PAQR5: variants seen among roughly 807,000 people sequenced by gnomAD.
PAQR5 encodes membrane progestin receptor gamma.
A neutral mutation model predicts 34.5 loss-of-function variants in PAQR5; 20 were observed. The ratio of observed to expected loss-of-function variants is 0.58; its 90% CI spans 0.41 to 0.84. PAQR5 has a LOEUF of 0.84. Ranked by LOEUF, PAQR5 falls within the 40% of genes least tolerant of loss-of-function variation. The probability of loss-of-function intolerance (pLI) is 0.00; values close to 1 mark genes in which losing one functional copy is unlikely to be tolerated. For synonymous variants in PAQR5, 131 were observed against 155.6 expected (o/e 0.84, Z 1.18); for missense variants, 378 against 412.7 (o/e 0.92, Z 0.73).
chr15:69,379,103 A>G (rs1041383286), intron 3 of PAQR5, among the ~76,000 whole-genome samples: 1 of 152,176 alleles, frequency 6.6e-6, no homozygotes, highest in African/African-American at 2.4e-5. Context: ...TCTTCTAACC[A>G]TGGCAGGAAT....
At chr15:69,401,209 G>T (rs371343361) in intron 8 of PAQR5, among the ~76,000 whole-genome samples, 3 of 152,256 alleles carry the variant, frequency 2.0e-5, no homozygotes, top group East Asian at 1.9e-4. Context: ...AGACTTTGGG[G>T]TGAGAGTTCC....
intron 1 of PAQR5, among the ~76,000 whole-genome samples, chr15:69,312,608 A>G (rs1249435381): frequency 3.3e-5 from 5 of 150,536 alleles, no homozygotes; most frequent in African/African-American, 1.2e-4. Context: ...CTTCCTCCCC[A>G]TGAAAACCCC....
chr15:69,381,366 G>A (rs1277947428), intron 4 of PAQR5, among the ~76,000 whole-genome samples: 1 of 152,126 alleles, frequency 6.6e-6, no homozygotes, highest in Admixed American at 6.5e-5. Context: ...TCCCTCCCTT[G>A]GAGATCTCAC....
chr15:69,400,961 C>G (rs561070810), intron 8 of PAQR5: 6 of 152,342 alleles, frequency 3.9e-5, no homozygotes, highest in Non-Finnish European at 7.3e-5. Flanking sequence ...AGGAGTGAAA[C>G]CCAATACTCA....
chr15:69,387,324 G>A (rs1379864944), intron 5 of PAQR5, among the ~76,000 whole-genome samples: 3 of 152,150 alleles, frequency 2.0e-5, no homozygotes, highest in Non-Finnish European at 4.4e-5. Context: ...CACCCCTGAG[G>A]GGCCACACCA....
intron 1 of PAQR5, among the ~76,000 whole-genome samples, chr15:69,330,416 C>T (rs532812072): frequency 3.0e-4 from 46 of 152,304 alleles, no homozygotes; most frequent in Non-Finnish European, 5.0e-4. Flanking sequence ...TTAACATTAG[C>T]CACAGAATTA....
intron 2 of PAQR5, among the ~76,000 whole-genome samples, chr15:69,358,285 T>A (rs761315101): frequency 6.6e-6 from 1 of 152,222 alleles, no homozygotes; most frequent in Non-Finnish European, 1.5e-5. Flanking sequence ...ATCTTGTTAC[T>A]TACTCTTGAG....
intron 3 of PAQR5, among the ~76,000 whole-genome samples, chr15:69,360,431 G>T (rs1227987870): frequency 6.6e-6 from 1 of 152,242 alleles, no homozygotes; most frequent in Admixed American, 6.5e-5. Flanking sequence ...GCAGCTGGCT[G>T]GGTAGGAAGT....
chr15:69,299,357 C>A (rs571946650), intron 1 of PAQR5, among the ~76,000 whole-genome samples: 1 of 152,210 alleles, frequency 6.6e-6, no homozygotes, highest in Non-Finnish European at 1.5e-5. Context: ...CGCACCTTTT[C>A]TCTCACTCTC....
At chr15:69,348,244 C>G (rs1201618014) in intron 2 of PAQR5, among the ~76,000 whole-genome samples, 2 of 152,138 alleles carry the variant, frequency 1.3e-5, no homozygotes, top group Non-Finnish European at 2.9e-5. Flanking sequence ...TTTGTTGAAC[C>G]CTTACTTTTA....
intron 3 of PAQR5, among the ~76,000 whole-genome samples, chr15:69,376,483 GT>G (rs1478479079): frequency 6.6e-6 from 1 of 152,294 alleles, no homozygotes; most frequent in East Asian, 1.9e-4. Context: ...CTAAGACCTA[GT>G]AATAGGGTTC....
chr15:69,320,541 C>T (rs2054070682), intron 1 of PAQR5, among the ~76,000 whole-genome samples: 3 of 152,080 alleles, frequency 2.0e-5, no homozygotes, highest in African/African-American at 7.2e-5. Context: ...TCATATATTG[C>T]TGAAATCAGT....
At chr15:69,349,090 C>T (rs1242122273) in intron 2 of PAQR5, among the ~76,000 whole-genome samples, 1 of 151,968 alleles carries the variant, frequency 6.6e-6, no homozygotes, top group Non-Finnish European at 1.5e-5. Flanking sequence ...GGGAGATTGG[C>T]TTGTGAGTCG....
At chr15:69,348,723 G>A (rs1354054265) in intron 2 of PAQR5, among the ~76,000 whole-genome samples, 1 of 144,964 alleles carries the variant, frequency 6.9e-6, no homozygotes, top group Non-Finnish European at 1.5e-5. Flanking sequence ...GCTACCTATA[G>A]CACTAGACTC....
In PAQR5 at chr15:69,360,100, C is replaced by G. The variant is rs115675417; in HGVS notation, c.20C>G (p.Pro7Arg). The G allele has an allele frequency of 3.5e-3, 5,598 of 1,613,596 alleles. 20 individuals are homozygous for G. The highest frequency in any genetic ancestry group is 4.0e-3 in the Non-Finnish European group (4,759 of 1,179,590). ...TCCAAGATGCTGAGCCTGAAGCTCC[C>G]CAGGCTGTTTAGCATAGACCAGATA... is the stretch of plus-strand genomic sequence containing the variant. MLSLKL[P>R]RLFSIDQIPQ... The change falls in exon 3 of 9, where the codon CCC becomes CGC. Residue 7 changes from proline (P) to arginine (R), a missense_variant. Physicochemically the swap from Pro to Arg is moderately radical, Grantham distance 103 (BLOSUM62 -2). Coordinates refer to ENST00000395407, the MANE Select transcript of PAQR5 (RefSeq NM_017705.4).
chr15:69,388,662 G>A (rs1034206075), intron 5 of PAQR5, among the ~76,000 whole-genome samples: 1 of 152,278 alleles, frequency 6.6e-6, no homozygotes, highest in African/African-American at 2.4e-5. Flanking sequence ...GCTGCCTGCT[G>A]CAGCTGGGAG....
At chr15:69,316,376 C>T (rs921004755) in intron 1 of PAQR5, among the ~76,000 whole-genome samples, 2 of 151,988 alleles carry the variant, frequency 1.3e-5, no homozygotes, top group African/African-American at 4.8e-5. Flanking sequence ...CCACCGTGCC[C>T]GGCCATAAGG....
chr15:69,347,335 A>G (rs541717269), intron 2 of PAQR5, among the ~76,000 whole-genome samples: 1 of 152,340 alleles, frequency 6.6e-6, no homozygotes, highest in East Asian at 1.9e-4. Flanking sequence ...CATCTAAGTT[A>G]TAAACGTCAT....
chr15:69,388,615 G>T (rs567463873), intron 5 of PAQR5, among the ~76,000 whole-genome samples: 1 of 152,366 alleles, frequency 6.6e-6, no homozygotes, highest in East Asian at 1.9e-4. Context: ...GGGCTTGCCT[G>T]TCCCTCTGGA....
Sources: allele counts gnomAD v4.1 joint callset (sites outside exome capture counted in the v4.1 genomes callset), GRCh38; gene constraint gnomAD v4.1.1; transcripts MANE v1.5; gene names NCBI Gene and HGNC (gene_info 2026-07-23, HGNC 2026-07-21).